ZDHHC17: variants seen among roughly 807,000 people sequenced by gnomAD.
ZDHHC17 encodes zDHHC palmitoyltransferase 17.
ZDHHC17 carries 40 observed loss-of-function variants against 90.3 expected under a neutral mutation model. That is an observed-to-expected ratio of 0.44 (90% CI 0.34 to 0.58). The LOEUF (loss-of-function observed/expected upper bound fraction) is 0.58, where lower values mean the gene tolerates loss of function less well. Among genes scored for constraint, ZDHHC17 ranks in the 20% least tolerant of loss-of-function variants. The pLI, the probability that ZDHHC17 is intolerant of heterozygous loss-of-function variation, is 0.01. For synonymous variants in ZDHHC17, 235 were observed against 252.4 expected (o/e 0.93, Z 0.65); for missense variants, 614 against 780.8 (o/e 0.79, Z 2.55).
chr12:76,788,688 A>ATATTTTTTTTTTTTTTT (rs61663401), intron 1 of ZDHHC17, among the ~76,000 whole-genome samples: 1,805 of 98,458 alleles, frequency 0.018, 380 homozygotes, highest in East Asian at 0.038. Context: ...TGGAATCGCA[A>ATATTTTTTTTTTTTTTT]TTTTTTTTTT....
In ZDHHC17 at chr12:76,788,853, C is replaced by T. The variant is rs533212940; in HGVS notation, c.94-8581C>T. Reference sequence around the variant, plus strand: ...CTGGGATTACAGACATGCACCACCACGCCCAGCTAATTTTGTATTTTTAGT... The same window carrying T: ...CTGGGATTACAGACATGCACCACCATGCCCAGCTAATTTTGTATTTTTAGT... On this transcript the variant is annotated intron_variant, in intron 1 of 16. Coordinates refer to ENST00000426126, the MANE Select transcript of ZDHHC17 (RefSeq NM_015336.4). 5.9e-4 allele frequency among the ~76,000 whole-genome samples: 89 copies of T among 151,854 alleles called. 1 individual carries two copies. Among genetic ancestry groups the T allele is most frequent in the African/African-American group, 2.1e-3 (87 of 41,418 alleles).
intron 15 of ZDHHC17, among the ~76,000 whole-genome samples, 168 bp downstream of exon 15, chr12:76,848,558 A>G (rs1565811055): frequency 6.6e-6 from 1 of 151,900 alleles, no homozygotes; most frequent in Non-Finnish European, 1.5e-5. Context: ...TCCTCTTCTC[A>G]TATTGTGAAC....
chr12:76,830,149 G>A (rs1953282534), intron 10 of ZDHHC17, among the ~76,000 whole-genome samples: 1 of 152,140 alleles, frequency 6.6e-6, no homozygotes, highest in Admixed American at 6.5e-5. Flanking sequence ...TTTCATAAGT[G>A]TTAAATATTT....
chr12:76,782,160 G>T (rs1200004870), intron 1 of ZDHHC17, among the ~76,000 whole-genome samples: 1 of 152,170 alleles, frequency 6.6e-6, no homozygotes, highest in Non-Finnish European at 1.5e-5. Flanking sequence ...AAAATGGAGT[G>T]CTATAGTCTT....
At chr12:76,849,300 G>A in intron 15 of ZDHHC17, 76 bp from the exon 16 acceptor site, 1 of 741,420 alleles carries the variant, frequency 1.3e-6, no homozygotes, top group Non-Finnish European at 2.0e-6. Context: ...TTTTAGCCTG[G>A]GTGACAGGGC....
intron 10 of ZDHHC17, among the ~76,000 whole-genome samples, chr12:76,838,271 A>C (rs1953393576): frequency 6.6e-6 from 1 of 152,088 alleles, no homozygotes; most frequent in African/African-American, 2.4e-5. Context: ...TGCTTTGTGA[A>C]TGCTGTGCAC....
In ZDHHC17 at chr12:76,850,547, C is replaced by T. The variant is rs546743870; in HGVS notation, c.1761-300C>T. 2.3e-3 allele frequency among the ~76,000 whole-genome samples: 353 copies of T among 152,030 alleles called. 3 individuals carry two copies. Among genetic ancestry groups the T allele is most frequent in the African/African-American group, 7.9e-3 (329 of 41,456 alleles). ...AGGCCGGGCAACATAGTTAAGACCT[C>T]ATCTCTAAAAATAAAAATAAAAATG... On this transcript the variant is annotated intron_variant, in intron 16 of 16. Coordinates refer to ENST00000426126, the MANE Select transcript of ZDHHC17 (RefSeq NM_015336.4).
At chr12:76,764,514 G>C (rs1229994570) in intron 1 of ZDHHC17, 185 bp downstream of exon 1, 4 of 607,436 alleles carry the variant, frequency 6.6e-6, no homozygotes, top group Non-Finnish European at 1.2e-5. Context: ...ATAGCGGGGC[G>C]GGCCCGACCG....
Position 76,809,811 on chromosome 12 carries a change from A to T in ZDHHC17, c.497A>T (p.Gln166Leu). The stretch of plus-strand genomic sequence containing the variant: ...TGTAGCTGTATTCATCTGGCTGCTC[A>T]GTTCGGACATACCTCAATTGTTGCT... ...EGCSCIHLAAQFGHTSIVAYL... is the reference protein window; with the variant it reads ...EGCSCIHLAALFGHTSIVAYL... Residue 166 changes from glutamine to leucine, a missense_variant, in exon 5 of 17, where the codon CAG becomes CTG. Transcript: ENST00000426126. 6.2e-7 allele frequency: 1 copy of T among 1,611,070 alleles called. No individual in the cohort carries two copies. Among genetic ancestry groups the T allele is most frequent in the Non-Finnish European group, 8.5e-7 (1 of 1,178,616 alleles).
chr12:76,777,245 A>G (rs979794647), intron 1 of ZDHHC17, among the ~76,000 whole-genome samples: 1 of 152,106 alleles, frequency 6.6e-6, no homozygotes, highest in Non-Finnish European at 1.5e-5. Context: ...CATTTCTATT[A>G]TTTTGTAATT....
At chr12:76,848,083 A>G in intron 14 of ZDHHC17, 150 bp from the exon 15 acceptor site, 1 of 698,600 alleles carries the variant, frequency 1.4e-6, no homozygotes, top group South Asian at 2.8e-5. Flanking sequence ...TAATAGGGTT[A>G]TTTAAGAGTA....
chr12:76,828,783 C>T (rs1470128069), intron 10 of ZDHHC17, among the ~76,000 whole-genome samples: 1 of 151,874 alleles, frequency 6.6e-6, no homozygotes, highest in Admixed American at 6.6e-5. Context: ...TATTGTTATC[C>T]CCCTTTTCCC....
At chr12:76,849,348 T>C in intron 15 of ZDHHC17, 28 bp from the exon 16 acceptor site, 2 of 733,030 alleles carry the variant, frequency 2.7e-6, no homozygotes, top group Non-Finnish European at 4.1e-6. Context: ...AAAACAAGAA[T>C]AATGGTTTGC....
intron 10 of ZDHHC17, among the ~76,000 whole-genome samples, chr12:76,831,303 A>T (rs79228478): frequency 0.014 from 2,166 of 151,256 alleles, 24 homozygotes; most frequent in Non-Finnish European, 0.023. Context: ...TGGATTCACA[A>T]TTTTTTTTTG....
At chr12:76,826,863 A>T in intron 8 of ZDHHC17, 45 bp from the exon 9 acceptor site, 1 of 1,482,156 alleles carries the variant, frequency 6.7e-7, no homozygotes, top group African/African-American at 1.5e-5. Flanking sequence ...GATTGAGATT[A>T]CTTGAAACAT....
At chr12:76,801,978 G>A (rs988521194) in intron 2 of ZDHHC17, among the ~76,000 whole-genome samples, 71 of 152,190 alleles carry the variant, frequency 4.7e-4, no homozygotes, top group South Asian at 8.3e-4. Context: ...AACAAAAAGC[G>A]GAGTTACAAA....
At chr12:76,828,822 T>C (rs1055833151) in intron 10 of ZDHHC17, among the ~76,000 whole-genome samples, 1 of 152,150 alleles carries the variant, frequency 6.6e-6, no homozygotes, top group African/African-American at 2.4e-5. Flanking sequence ...TTTATTTTTA[T>C]AGATTCAGGG....
intron 5 of ZDHHC17, among the ~76,000 whole-genome samples, chr12:76,812,929 G>T (rs762060577): frequency 6.6e-6 from 1 of 151,964 alleles, no homozygotes; most frequent in Non-Finnish European, 1.5e-5. Flanking sequence ...TTTTGATCTG[G>T]GCTTGTTAAT....
rs538209843 is a variant in ZDHHC17, at chr12:76,787,854, A to G, written c.94-9580A>G. Among the ~76,000 whole-genome samples the G allele has an allele frequency of 2.6e-5, 4 of 152,208 alleles. No individual in the cohort carries two copies. In the South Asian group the frequency reaches 6.2e-4, roughly 24 times the overall value. On this transcript the variant is annotated intron_variant, in intron 1 of 16. Transcript: ENST00000426126. ...CCATTTACACACTACTTACCAAACT[A>G]AACAACTCTCAGAATCATATTAGTC...
Sources: allele counts gnomAD v4.1 joint callset (sites outside exome capture counted in the v4.1 genomes callset), GRCh38; gene constraint gnomAD v4.1.1; transcripts MANE v1.5; gene names NCBI Gene and HGNC (gene_info 2026-07-23, HGNC 2026-07-21).